The following ZC3HAV1 variants were observed in gnomAD, a reference collection of about 807,000 sequenced individuals.
ZC3HAV1 encodes zinc finger CCCH-type containing, antiviral 1.
Under a neutral mutation model 86.6 loss-of-function variants are expected in ZC3HAV1, and 41 were observed. The observed-to-expected ratio is 0.47, with a 90% CI of 0.37 to 0.61. The LOEUF (loss-of-function observed/expected upper bound fraction) is 0.61, where lower values mean the gene tolerates loss of function less well. Ranked by LOEUF, ZC3HAV1 falls within the 20% of genes least tolerant of loss-of-function variation. The pLI, the probability that ZC3HAV1 is intolerant of heterozygous loss-of-function variation, is 0.00. For missense variants in ZC3HAV1, 964 were observed against 1,141.1 expected, an observed-to-expected ratio of 0.84 and a Z score of 2.24; for synonymous variants, 421 against 432.1, an observed-to-expected ratio of 0.97 and a Z score of 0.32.
intron 1 of ZC3HAV1, among the ~76,000 whole-genome samples, chr7:139,107,338 G>A (rs1380866619): frequency 6.6e-6 from 1 of 152,182 alleles, no homozygotes; most frequent in Non-Finnish European, 1.5e-5. Flanking sequence ...ACACATTCAA[G>A]CACTTTTTAA....
intron 8 of ZC3HAV1, among the ~76,000 whole-genome samples, chr7:139,062,414 C>T (rs545826088): frequency 6.6e-6 from 1 of 152,336 alleles, no homozygotes; most frequent in African/African-American, 2.4e-5. Flanking sequence ...CTTAGTTCTT[C>T]CTCCTCCTGG....
intron 3 of ZC3HAV1, among the ~76,000 whole-genome samples, chr7:139,082,136 G>C (rs893291578): frequency 7.2e-5 from 11 of 151,942 alleles, no homozygotes; most frequent in African/African-American, 2.7e-4. Context: ...GTGGTGGCAG[G>C]CACCTGTAAT....
intron 2 of ZC3HAV1, among the ~76,000 whole-genome samples, chr7:139,085,115 C>A (rs1052439753): frequency 9.9e-5 from 15 of 152,206 alleles, no homozygotes; most frequent in Non-Finnish European, 1.8e-4. Flanking sequence ...GTTAGAAATG[C>A]AAATCTTCAG....
intron 12 of ZC3HAV1, among the ~76,000 whole-genome samples, chr7:139,049,111 ACT>A (rs1173194442): frequency 2.2e-5 from 3 of 138,774 alleles, no homozygotes; most frequent in African/African-American, 8.2e-5. Flanking sequence ...AGTACATCCA[ACT>A]CTCTCTCTCT....
At chr7:139,053,857 G>A (rs1584837200) in intron 11 of ZC3HAV1, 108 bp downstream of exon 11, 3 of 1,248,608 alleles carry the variant, frequency 2.4e-6, no homozygotes, top group South Asian at 1.5e-5. Context: ...AGCGCCTAAA[G>A]GAACTGTTAA....
chr7:139,066,093 C>T (rs894351115), intron 7 of ZC3HAV1, among the ~76,000 whole-genome samples: 4 of 152,030 alleles, frequency 2.6e-5, no homozygotes, highest in Non-Finnish European at 4.4e-5. Flanking sequence ...CCAGGGTGGG[C>T]GATCAGGGCA....
chr7:139,062,061 G>T (rs1016012954), intron 8 of ZC3HAV1, among the ~76,000 whole-genome samples: 1 of 152,186 alleles, frequency 6.6e-6, no homozygotes, highest in Admixed American at 6.5e-5. Flanking sequence ...CCTGTGATGG[G>T]GATAAAGTGA....
chr7:139,077,621 C>T (rs1816990878), intron 5 of ZC3HAV1, among the ~76,000 whole-genome samples: 2 of 152,260 alleles, frequency 1.3e-5, no homozygotes, highest in East Asian at 3.9e-4. Flanking sequence ...AGCTTACATC[C>T]CCCTTACATA....
At chr7:139,086,888 C>G (rs1716667204) in intron 2 of ZC3HAV1, among the ~76,000 whole-genome samples, 1 of 152,214 alleles carries the variant, frequency 6.6e-6, no homozygotes, top group Admixed American at 6.5e-5. Context: ...TTCATGAGGC[C>G]TCCCAGCCAT....
At chr7:139,053,621 C>CT in intron 11 of ZC3HAV1, 40 bp from the exon 12 acceptor site, 5 of 1,530,980 alleles carry the variant, frequency 3.3e-6, no homozygotes, top group Non-Finnish European at 4.4e-6. Flanking sequence ...GAGACATCCC[C>CT]TTCCCACTCC....
intron 1 of ZC3HAV1, among the ~76,000 whole-genome samples, chr7:139,092,958 T>C (rs1487367976): frequency 6.6e-6 from 1 of 152,234 alleles, no homozygotes. Context: ...AGCGGCTTCT[T>C]AGGGGCTTTA....
Position 139,109,273 on chromosome 7 carries a change from C to A in ZC3HAV1, c.59G>T (p.Arg20Leu). The A allele has an allele frequency of 1.2e-6, 2 of 1,610,942 alleles. No homozygotes were observed. Among genetic ancestry groups the A allele is most frequent in the Non-Finnish European group, 1.7e-6 (2 of 1,179,170 alleles). The change falls in exon 1 of 13, where the codon CGC (arginine) becomes CTC (leucine). Residue 20 changes from arginine to leucine, a missense_variant. Transcript: ENST00000242351. Reference sequence around the variant, plus strand: ...CTGGAGCAGCGCGTCCAGGGCCATGCGGCCCCCGTGGGCGCACAGGATTTT... The same window carrying A: ...CTGGAGCAGCGCGTCCAGGGCCATGAGGCCCCCGTGGGCGCACAGGATTTT... ...ITKILCAHGG[R>L]MALDALLQEI...
intron 6 of ZC3HAV1, 43 bp downstream of exon 6, chr7:139,076,243 T>G: frequency 6.2e-7 from 1 of 1,613,374 alleles, no homozygotes; most frequent in Non-Finnish European, 8.5e-7. Flanking sequence ...TTCCCTTTGA[T>G]AATGTTGGAC....
rs190413414 is a variant in ZC3HAV1 at position 139,051,094 on chromosome 7, G to A, written c.2449+2357C>T. ...TTTTTCTTTTTTTTTTTTTTGAGAC[G>A]GAGTCTCGGCTGGTGTGCAATGGCA... is the stretch of plus-strand genomic sequence containing the variant. On this transcript the variant is annotated intron_variant, in intron 12 of 12. Transcript: ENST00000242351. 2.1e-4 allele frequency among the ~76,000 whole-genome samples: 32 copies of A among 149,064 alleles called. 1 individual carries two copies. The East Asian group carries it at 6.1e-3, about 28-fold the overall frequency.
intron 6 of ZC3HAV1, among the ~76,000 whole-genome samples, chr7:139,074,676 T>A (rs981551509): frequency 1.3e-5 from 2 of 151,388 alleles, no homozygotes; most frequent in African/African-American, 4.8e-5. Flanking sequence ...TATATATAAA[T>A]ATGTAAATAA....
chr7:139,109,041 G>A lies in ZC3HAV1; in HGVS notation c.291C>T (p.Asn97=). Reference sequence around the variant, plus strand: ...GCACTCACCGCTCGGACTGCGAATAGTTGCACCGGCCCAGCAAGTTGAGTT... The same window carrying A: ...GCACTCACCGCTCGGACTGCGAATAATTGCACCGGCCCAGCAAGTTGAGTT... ...LCKLNLLGRC[N]YSQSERNLCK... is the part of the protein sequence containing the mutation. The change falls in exon 1 of 13, where the codon AAC becomes AAT. Residue 97 remains asparagine (N), a synonymous_variant. Coordinates refer to ENST00000242351, the MANE Select transcript of ZC3HAV1 (RefSeq NM_020119.4). 2 of 1,574,810 alleles carry A rather than the reference G, an allele frequency of 1.3e-6. No homozygotes were observed. Among genetic ancestry groups the A allele is most frequent in the Non-Finnish European group, 8.6e-7 (1 of 1,156,528 alleles).
intron 7 of ZC3HAV1, among the ~76,000 whole-genome samples, chr7:139,067,554 G>C (rs1167208950): frequency 1.3e-5 from 2 of 152,150 alleles, no homozygotes; most frequent in African/African-American, 4.8e-5. Context: ...TGGAGACTCA[G>C]AAGGATAGGG....
chr7:139,092,398 G>T (rs1362312396), intron 1 of ZC3HAV1, among the ~76,000 whole-genome samples: 1 of 152,184 alleles, frequency 6.6e-6, no homozygotes, highest in African/African-American at 2.4e-5. Context: ...TAAAGACAGG[G>T]TTAGTAAAAA....
rs1038670654 is a variant in ZC3HAV1, at chr7:139,059,194, A to G, written c.2096+1842T>C. On this transcript the variant is annotated intron_variant, in intron 9 of 12. Coordinates refer to ENST00000242351, the MANE Select transcript of ZC3HAV1 (RefSeq NM_020119.4). Reference sequence around the variant, plus strand: ...ACTCTGCCTTTTTCCCCCACCTAACATTTGTCAGGAACTGAAATAGTTATT... The same window carrying G: ...ACTCTGCCTTTTTCCCCCACCTAACGTTTGTCAGGAACTGAAATAGTTATT... Among the ~76,000 whole-genome samples the G allele has an allele frequency of 4.6e-5, 7 of 152,052 alleles. No homozygotes were observed. In the East Asian group the frequency reaches 1.2e-3, roughly 25 times the overall value.
Sources: gnomAD v4.1 joint callset for allele counts (sites outside exome capture counted in the v4.1 genomes callset) on GRCh38, gnomAD v4.1.1 for gene constraint, MANE v1.5 for transcripts, NCBI Gene and HGNC (gene_info 2026-07-23, HGNC 2026-07-21) for gene names.